The following LIMCH1 variants were observed in gnomAD, a reference collection of about 807,000 sequenced individuals.
LIMCH1 encodes LIM and calponin homology domains-containing protein 1.
Under a neutral mutation model 176.5 loss-of-function variants are expected in LIMCH1, and 113 were observed. The ratio of observed to expected loss-of-function variants is 0.64; its 90% CI spans 0.55 to 0.75. LIMCH1 has a LOEUF of 0.75. Among genes scored for constraint, LIMCH1 ranks in the 30% least tolerant of loss-of-function variants. The pLI, the probability that LIMCH1 is intolerant of heterozygous loss-of-function variation, is 0.00. For missense variants in LIMCH1, 1,674 were observed against 1,814.9 expected, an observed-to-expected ratio of 0.92 and a Z score of 1.41; for synonymous variants, 619 against 645.9, an observed-to-expected ratio of 0.96 and a Z score of 0.63.
At chr4:41,409,104 T>C (rs1021754937) in intron 1 of LIMCH1, among the ~76,000 whole-genome samples, 1 of 152,220 alleles carries the variant, frequency 6.6e-6, no homozygotes, top group African/African-American at 2.4e-5. Context: ...GAGGACTTTT[T>C]ATTACATAAG....
chr4:41,412,399 T>G (rs2059575487), intron 1 of LIMCH1, among the ~76,000 whole-genome samples: 1 of 152,170 alleles, frequency 6.6e-6, no homozygotes, highest in African/African-American at 2.4e-5. Flanking sequence ...TTCTTTCACT[T>G]TTCGGGTTTG....
chr4:41,415,704 G>A (rs189655754), intron 1 of LIMCH1, among the ~76,000 whole-genome samples: 45 of 152,194 alleles, frequency 3.0e-4, no homozygotes, highest in African/African-American at 9.1e-4. Context: ...GGAACACAGC[G>A]CGGTGGCTCA....
intron 26 of LIMCH1, among the ~76,000 whole-genome samples, chr4:41,683,529 T>C (rs1718018761): frequency 6.6e-6 from 1 of 152,152 alleles, no homozygotes; most frequent in Non-Finnish European, 1.5e-5. Context: ...TTGGCAAGAG[T>C]GCATGCATGT....
At chr4:41,565,346 TACACACACACACACACACACACAC>T (rs34056313) in intron 1 of LIMCH1, among the ~76,000 whole-genome samples, 1 of 128,586 alleles carries the variant, frequency 7.8e-6, no homozygotes, top group Non-Finnish European at 1.7e-5. Context: ...CTATTTCGGA[TACACACACACACACACACACACAC>T]ACACACACAC....
intron 17 of LIMCH1, among the ~76,000 whole-genome samples, chr4:41,648,380 T>C (rs1165836516): frequency 6.6e-6 from 1 of 152,126 alleles, no homozygotes; most frequent in African/African-American, 2.4e-5. Context: ...GGCGGCAAAG[T>C]GGAGCAAGGT....
intron 1 of LIMCH1, among the ~76,000 whole-genome samples, chr4:41,567,686 C>A (rs974385681): frequency 2.6e-5 from 4 of 152,134 alleles, no homozygotes; most frequent in African/African-American, 9.7e-5. Flanking sequence ...CCCAGTATTA[C>A]CAATAAGTGC....
chr4:41,439,899 A>G (rs2062522251), intron 1 of LIMCH1, among the ~76,000 whole-genome samples: 1 of 152,090 alleles, frequency 6.6e-6, no homozygotes, highest in Non-Finnish European at 1.5e-5. Flanking sequence ...GCAAAACTCC[A>G]TCTCAAAAAA....
chr4:41,368,964 C>T (rs2053540984), intron 1 of LIMCH1, among the ~76,000 whole-genome samples: 1 of 152,156 alleles, frequency 6.6e-6, no homozygotes, highest in African/African-American at 2.4e-5. Context: ...TGCGGGAAAC[C>T]TGCTTGCTTT....
intron 27 of LIMCH1, among the ~76,000 whole-genome samples, 157 bp downstream of exon 27, chr4:41,684,675 C>T (rs183478566): frequency 6.6e-6 from 1 of 152,126 alleles, no homozygotes; most frequent in East Asian, 1.9e-4. Context: ...CTTCTACCAT[C>T]GTGTGCTCAG....
At chr4:41,451,595 G>C (rs2063892866) in intron 1 of LIMCH1, among the ~76,000 whole-genome samples, 1 of 152,044 alleles carries the variant, frequency 6.6e-6, no homozygotes. Context: ...AGGAATATTT[G>C]AGGATTGGCC....
chr4:41,417,873 C>T (rs1005302523), intron 1 of LIMCH1, among the ~76,000 whole-genome samples: 4 of 152,072 alleles, frequency 2.6e-5, no homozygotes, highest in Admixed American at 2.0e-4. Flanking sequence ...TTACAATGAG[C>T]ATGTATTATT....
chr4:41,481,071 T>C (rs2068534555), intron 1 of LIMCH1, among the ~76,000 whole-genome samples: 1 of 152,116 alleles, frequency 6.6e-6, no homozygotes. Context: ...AACAGTACCT[T>C]CTGGTTTTCT....
rs554412986 is a variant in LIMCH1, at chr4:41,381,247, C to T, written c.96+20311C>T. Among the ~76,000 whole-genome samples the T allele has an allele frequency of 4.6e-5, 7 of 152,326 alleles. 2 individuals carry two copies. The highest frequency in any genetic ancestry group is 1.7e-4 in the African/African-American group (7 of 41,586). ...TGCACAAAAGTGGAGGCCAAGGTAA[C>T]TAAATTTAAATAACTGTACAGCACA... On this transcript the variant is annotated intron_variant, in intron 1 of 26. Coordinates refer to the LIMCH1 transcript ENST00000313860.
chr4:41,406,843 G>T (rs1253290502), intron 1 of LIMCH1, among the ~76,000 whole-genome samples: 1 of 152,116 alleles, frequency 6.6e-6, no homozygotes, highest in East Asian at 1.9e-4. Context: ...AGACTCCAGC[G>T]TGGATATGAT....
chr4:41,604,188 T>G, intron 3 of LIMCH1: 5 of 984,556 alleles, frequency 5.1e-6, no homozygotes, highest in Non-Finnish European at 6.0e-6. Context: ...CACAAAATGA[T>G]CAGGCTCAAT....
At chr4:41,460,901 G>A (rs972089300) in intron 1 of LIMCH1, among the ~76,000 whole-genome samples, 1 of 152,194 alleles carries the variant, frequency 6.6e-6, no homozygotes, top group African/African-American at 2.4e-5. Context: ...TGTGGCAGGT[G>A]CTGCACATTG....
chr4:41,676,813 C>T (rs941091683), intron 23 of LIMCH1, among the ~76,000 whole-genome samples: 1 of 152,172 alleles, frequency 6.6e-6, no homozygotes, highest in Non-Finnish European at 1.5e-5. Flanking sequence ...TCTCTGCTAG[C>T]ATACACGTGA....
chr4:41,478,169 A>T (rs1328790816), intron 1 of LIMCH1, among the ~76,000 whole-genome samples: 1 of 152,234 alleles, frequency 6.6e-6, no homozygotes, highest in African/African-American at 2.4e-5. Context: ...AGTACAGAGA[A>T]TTACATGAAA....
chr4:41,642,583 G>A lies in LIMCH1; in HGVS notation c.2127-1917G>A, dbSNP rs373977175. The stretch of plus-strand genomic sequence containing the variant: ...TATTTTATTTTATTTTTTTGAGATA[G>A]AGTCTCGCTCTGTCACCCAGGCTGG... On this transcript the variant is annotated intron_variant, in intron 14 of 31. Coordinates refer to ENST00000503057, the MANE Select transcript of LIMCH1 (RefSeq NM_001330672.2). Among the ~76,000 whole-genome samples the A allele has an allele frequency of 1.9e-4, 29 of 151,430 alleles. No homozygotes were observed. In the East Asian group the frequency reaches 4.7e-3, roughly 24 times the overall value.
Sources: gnomAD v4.1 joint callset for allele counts (sites outside exome capture counted in the v4.1 genomes callset) on GRCh38, gnomAD v4.1.1 for gene constraint, MANE v1.5 for transcripts, NCBI Gene and HGNC (gene_info 2026-07-23, HGNC 2026-07-21) for gene names.